The following XKR4 variants were observed in gnomAD, a reference collection of about 807,000 sequenced individuals.
XKR4 encodes the protein XK related 4, also known as XK-related protein 4.
Under a neutral mutation model 53.9 loss-of-function variants are expected in XKR4, and 12 were observed. The ratio of observed to expected loss-of-function variants is 0.22; its 90% CI spans 0.14 to 0.36. The LOEUF (loss-of-function observed/expected upper bound fraction) is 0.36, where lower values mean the gene tolerates loss of function less well. XKR4 is among the 10% of genes least tolerant of loss of function. The probability of loss-of-function intolerance (pLI) is 1.00; values close to 1 mark genes in which losing one functional copy is unlikely to be tolerated. For synonymous variants in XKR4, 354 were observed against 362.4 expected, an observed-to-expected ratio of 0.98 and a Z score of 0.26; for missense variants, 799 against 859.5, an observed-to-expected ratio of 0.93 and a Z score of 0.88.
At chr8:55,268,176 T>C (rs1006391917) in intron 1 of XKR4, among the ~76,000 whole-genome samples, 1 of 152,184 alleles carries the variant, frequency 6.6e-6, no homozygotes, top group African/African-American at 2.4e-5. Flanking sequence ...CATTATGCTC[T>C]ATCTTCACGA....
intron 2 of XKR4, among the ~76,000 whole-genome samples, chr8:55,375,992 T>C (rs1017777410): frequency 6.6e-6 from 1 of 152,226 alleles, no homozygotes; most frequent in Non-Finnish European, 1.5e-5. Context: ...TGGTTTTCTG[T>C]TCCTATATTA....
At chr8:55,237,335 C>T (rs1244147102) in intron 1 of XKR4, among the ~76,000 whole-genome samples, 1 of 152,200 alleles carries the variant, frequency 6.6e-6, no homozygotes, top group African/African-American at 2.4e-5. Flanking sequence ...TTACCAATAA[C>T]ATAAACAGTG....
Position 55,280,991 on chromosome 8 carries a change from G to A in XKR4, c.807-76687G>A, listed in dbSNP as rs1039600121. 7.9e-5 allele frequency among the ~76,000 whole-genome samples: 12 copies of A among 152,236 alleles called. No homozygotes were observed. The East Asian group carries it at 1.3e-3, about 17-fold the overall frequency. ...TCTGAACTAACAGTTTTGTTAAAAT[G>A]TACTATACAACGAACTACTTGTTCT... On this transcript the variant is annotated intron_variant, in intron 1 of 2. Transcript: ENST00000327381.
chr8:55,414,289 C>G (rs1350436642), intron 2 of XKR4, among the ~76,000 whole-genome samples: 1 of 152,056 alleles, frequency 6.6e-6, no homozygotes, highest in Non-Finnish European at 1.5e-5. Context: ...ATTTACTAAT[C>G]AGATATTTAG....
At chr8:55,521,129 T>A (rs1419463348) in intron 2 of XKR4, among the ~76,000 whole-genome samples, 1 of 152,224 alleles carries the variant, frequency 6.6e-6, no homozygotes, top group African/African-American at 2.4e-5. Context: ...GGGAGGGGCG[T>A]TCCCGGGCAG....
rs113620596 is a variant in XKR4, at chr8:55,263,293, C to T, written c.807-94385C>T. 5.3e-5 allele frequency among the ~76,000 whole-genome samples: 8 copies of T among 152,332 alleles called. No homozygotes were observed. The South Asian group carries it at 6.2e-4, about 12-fold the overall frequency. ...AGAACGTATGGATGTGTGACACCAC[C>T]GTGGCCGTTGTTGCCATCACAAGGT... On this transcript the variant is annotated intron_variant, in intron 1 of 2. Transcript: ENST00000327381.
intron 1 of XKR4, among the ~76,000 whole-genome samples, chr8:55,215,205 A>G (rs1488246060): frequency 6.6e-6 from 1 of 152,210 alleles, no homozygotes; most frequent in African/African-American, 2.4e-5. Flanking sequence ...ATTAGGGGGA[A>G]CCCTGTAGGG....
At chr8:55,110,555 C>G (rs891880252) in intron 1 of XKR4, among the ~76,000 whole-genome samples, 2 of 152,152 alleles carry the variant, frequency 1.3e-5, no homozygotes, top group African/African-American at 4.8e-5. Context: ...GCAATGTCAT[C>G]TGGGAAGGAT....
chr8:55,168,574 A>G (rs1817103463), intron 1 of XKR4, among the ~76,000 whole-genome samples: 1 of 152,214 alleles, frequency 6.6e-6, no homozygotes, highest in Admixed American at 6.5e-5. Flanking sequence ...CACCTTGGAA[A>G]GAACAGATGT....
chr8:55,406,854 C>G (rs1206255659), intron 2 of XKR4, among the ~76,000 whole-genome samples: 1 of 152,098 alleles, frequency 6.6e-6, no homozygotes, highest in East Asian at 1.9e-4. Flanking sequence ...ACTCTAAGGC[C>G]TTTTACTTCT....
chr8:55,102,414 A>G lies in XKR4; in HGVS notation c.-75A>G. On this transcript the variant is annotated 5_prime_UTR_variant, in exon 1 of 3. Coordinates refer to ENST00000327381, the MANE Select transcript of XKR4 (RefSeq NM_052898.2). This position sits in a 1 kb window ranked among gnomAD's most constrained non-coding sequence, Gnocchi z 5.1. ...CTGGGAGGGAAGCCGGGGCGAGGCG[A>G]GGAGGTGGCGGGAGGAGGAGACAGC... is the stretch of plus-strand genomic sequence containing the variant. The G allele has an allele frequency of 6.9e-7, 1 of 1,455,976 alleles. No individual in the cohort carries two copies. The highest frequency in any genetic ancestry group is 1.3e-5 in the South Asian group (1 of 75,588). 90.2% of individuals were successfully genotyped at this position (1,455,976 alleles called of 1,614,324 possible). A position where few individuals can be genotyped will look rare whatever the true frequency, so the allele number is the denominator to read the frequency against.
intron 2 of XKR4, among the ~76,000 whole-genome samples, chr8:55,445,212 C>A (rs762391467): frequency 2.6e-5 from 4 of 152,164 alleles, no homozygotes; most frequent in East Asian, 1.9e-4. Flanking sequence ...TGCCCACCAC[C>A]ACACCTGGCT....
At chr8:55,201,355 T>G (rs1420574211) in intron 1 of XKR4, among the ~76,000 whole-genome samples, 1 of 152,230 alleles carries the variant, frequency 6.6e-6, no homozygotes, top group East Asian at 1.9e-4. Flanking sequence ...ATAGGTATGG[T>G]GACAGCCCAT....
chr8:55,328,374 T>G (rs1203172575), intron 1 of XKR4, among the ~76,000 whole-genome samples: 1 of 152,172 alleles, frequency 6.6e-6, no homozygotes, highest in Non-Finnish European at 1.5e-5. Flanking sequence ...ATAACATCAG[T>G]GTCCCAAACA....
At chr8:55,499,764 G>T (rs956981770) in intron 2 of XKR4, among the ~76,000 whole-genome samples, 1 of 152,218 alleles carries the variant, frequency 6.6e-6, no homozygotes, top group Middle Eastern at 3.4e-3. Flanking sequence ...CACAGCAGTC[G>T]GCTGAATATC....
At chr8:55,383,128 G>C (rs1052589124) in intron 2 of XKR4, among the ~76,000 whole-genome samples, 5 of 152,166 alleles carry the variant, frequency 3.3e-5, no homozygotes, top group African/African-American at 1.2e-4. Flanking sequence ...CAGGAGAATC[G>C]CTTGAACCTG....
At chr8:55,108,387 C>T (rs1278095391) in intron 1 of XKR4, among the ~76,000 whole-genome samples, 1 of 152,086 alleles carries the variant, frequency 6.6e-6, no homozygotes, top group African/African-American at 2.4e-5. Flanking sequence ...TGTTAAAACA[C>T]TGTTTTATTC....
intron 1 of XKR4, among the ~76,000 whole-genome samples, chr8:55,217,710 C>T (rs1042939251): frequency 6.6e-6 from 1 of 151,750 alleles, no homozygotes; most frequent in East Asian, 1.9e-4. Flanking sequence ...TCCTTTTTTA[C>T]AGAGTTCAAA....
At chr8:55,449,808 T>C in intron 2 of XKR4, 1 of 1,204,236 alleles carries the variant, frequency 8.3e-7, no homozygotes, top group Non-Finnish European at 1.2e-6. Flanking sequence ...AAGGCCCCCT[T>C]CTTGTACAGA....
Sources: allele counts gnomAD v4.1 joint callset (sites outside exome capture counted in the v4.1 genomes callset), GRCh38; gene constraint gnomAD v4.1.1; non-coding constraint Gnocchi (gnomAD v3.1); transcripts MANE v1.5; gene names NCBI Gene and HGNC (gene_info 2026-07-23, HGNC 2026-07-21).